The following PTPN1 variants were observed in gnomAD, a reference collection of about 807,000 sequenced individuals.
PTPN1 encodes the protein tyrosine-protein phosphatase non-receptor type 1.
In PTPN1, 12 loss-of-function variants were observed where a neutral mutation model predicts 59.9. The observed-to-expected ratio is 0.20, with a 90% CI of 0.13 to 0.32. The LOEUF (loss-of-function observed/expected upper bound fraction) is 0.32. Ranked by LOEUF, PTPN1 falls within the 10% of genes least tolerant of loss-of-function variation. PTPN1 has a pLI of 1.00. For synonymous variants in PTPN1, 178 were observed against 203.6 expected, an observed-to-expected ratio of 0.87 and a Z score of 1.07; for missense variants, 356 against 549.2, an observed-to-expected ratio of 0.65 and a Z score of 3.52.
chr20:50,552,956 T>C (rs1172614970), intron 1 of PTPN1, among the ~76,000 whole-genome samples: 1 of 152,144 alleles, frequency 6.6e-6, no homozygotes, highest in East Asian at 1.9e-4. Flanking sequence ...ATCCTACTTA[T>C]TATAAAAAAA....
chr20:50,553,953 G>A (rs1439529701), intron 1 of PTPN1, among the ~76,000 whole-genome samples: 1 of 152,120 alleles, frequency 6.6e-6, no homozygotes, highest in African/African-American at 2.4e-5. Flanking sequence ...AATGTGGATT[G>A]GGGGGTGCCT....
chr20:50,579,408 G>T, intron 7 of PTPN1, 79 bp downstream of exon 7: 2 of 1,474,262 alleles, frequency 1.4e-6, no homozygotes, highest in Non-Finnish European at 1.9e-6. Flanking sequence ...AGTTGTAAAA[G>T]TTCAAACACC....
At chr20:50,573,097 T>G (rs2082819139) in intron 4 of PTPN1, 1 of 152,246 alleles carries the variant, frequency 6.6e-6, no homozygotes, top group Non-Finnish European at 1.5e-5. Context: ...TTGCTTTGGT[T>G]TTGTCTTTTG....
At chr20:50,548,399 T>C (rs2082685507) in intron 1 of PTPN1, among the ~76,000 whole-genome samples, 1 of 152,192 alleles carries the variant, frequency 6.6e-6, no homozygotes, top group African/African-American at 2.4e-5. Context: ...GTATTTCTAA[T>C]CTTAAGTATA....
In PTPN1 at chr20:50,510,471, G is replaced by A. The variant is rs2082501097; in HGVS notation, c.-57G>A. ...GGGGCTAAGAGCGCGACGCGGCCTA[G>A]AGCGGCAGACGGCGCAGTGGGCCGA... is the stretch of plus-strand genomic sequence containing the variant. On this transcript the variant is annotated 5_prime_UTR_variant, in exon 1 of 10. Coordinates refer to ENST00000371621, the MANE Select transcript of PTPN1 (RefSeq NM_002827.4). The A allele has an allele frequency of 6.5e-7, 1 of 1,539,168 alleles. No individual in the cohort carries two copies. The highest frequency in any genetic ancestry group is 1.4e-5 in the African/African-American group (1 of 72,424).
intron 1 of PTPN1, among the ~76,000 whole-genome samples, chr20:50,559,157 G>C (rs1348812051): frequency 4.6e-5 from 7 of 150,694 alleles, no homozygotes; most frequent in African/African-American, 1.5e-4. Context: ...TCAGCCTCCT[G>C]AGTAGCTGGG....
At position 50,574,642 on chromosome 20, in the gene PTPN1, G is replaced by A; in HGVS notation, c.480G>A (p.Leu160=). 6.2e-7 allele frequency: 1 copy of A among 1,602,712 alleles called. No homozygotes were observed. Residue 160 remains leucine (L), a synonymous_variant, in exon 5 of 10, where the codon TTG becomes TTA. Transcript: ENST00000371621. The stretch of plus-strand genomic sequence containing the variant: ...ATTATACAGTGCGACAGCTAGAATT[G>A]GAAAACCTTACAGTGAGTATAGCAC... ...KSYYTVRQLE[L]ENLTTQETRE...
intron 6 of PTPN1, 150 bp from the exon 7 acceptor site, chr20:50,579,018 T>TAGG: frequency 1.1e-6 from 1 of 874,908 alleles, no homozygotes; most frequent in Non-Finnish European, 1.8e-6. Context: ...CCTGTCCCCC[T>TAGG]GACCCAGACA....
chr20:50,561,093 C>G (rs76302956), intron 1 of PTPN1, among the ~76,000 whole-genome samples: 2,198 of 152,266 alleles, frequency 0.014, 49 homozygotes, highest in African/African-American at 0.049. Flanking sequence ...GCCCCCATGC[C>G]TTTGCTGTGC....
chr20:50,549,447 G>A (rs888896269), intron 1 of PTPN1, among the ~76,000 whole-genome samples: 1 of 152,052 alleles, frequency 6.6e-6, no homozygotes, highest in African/African-American at 2.4e-5. Context: ...GCACATAATT[G>A]TTCTGTTAGT....
rs1353048368 is a variant in PTPN1 at position 50,510,692 on chromosome 20, C to T, written c.63+102C>T. On this transcript the variant is annotated intron_variant, in intron 1 of 9. Transcript: ENST00000371621. ...ACTCCCTCTGGGTCTTGCCCTCTGC[C>T]TCGCTCCTACTGCTTGAGGATTCGA... 8 of 1,201,708 alleles carry T rather than the reference C, an allele frequency of 6.7e-6. No individual in the cohort carries two copies. In the East Asian group the frequency reaches 2.0e-4, roughly 30 times the overall value. The allele number at this position is 1,201,708 out of a possible 1,614,324, so 74.4% of individuals were successfully genotyped here.
At position 50,523,258 on chromosome 20, in the gene PTPN1, G is replaced by C. The variant is rs192172733; in HGVS notation, c.63+12668G>C. On this transcript the variant is annotated intron_variant, in intron 1 of 9. Coordinates refer to ENST00000371621, the MANE Select transcript of PTPN1 (RefSeq NM_002827.4). ...AAGGAACGTGTGCAAAGAAGATGGT[G>C]ATCTGGTTGTGACCATGTTGTTAGA... Among the ~76,000 whole-genome samples, 60 of 152,282 alleles carry C rather than the reference G, an allele frequency of 3.9e-4. No homozygotes were observed. In the East Asian group the frequency reaches 7.1e-3, roughly 18 times the overall value.
chr20:50,520,954 A>G (rs548203298), intron 1 of PTPN1, among the ~76,000 whole-genome samples: 1 of 152,326 alleles, frequency 6.6e-6, no homozygotes, highest in African/African-American at 2.4e-5. Flanking sequence ...AGAAGACCAG[A>G]GGGTGGGGTG....
At chr20:50,540,487 C>T (rs1489067631) in intron 1 of PTPN1, among the ~76,000 whole-genome samples, 1 of 152,190 alleles carries the variant, frequency 6.6e-6, no homozygotes, top group Non-Finnish European at 1.5e-5. Flanking sequence ...ACCATGAGGA[C>T]GGCATCAAGC....
intron 4 of PTPN1, chr20:50,573,015 G>T (rs185658307): frequency 6.6e-6 from 1 of 152,254 alleles, no homozygotes; most frequent in Non-Finnish European, 1.5e-5. Context: ...TTGGCTTCTG[G>T]TCTGGCACTG....
intron 4 of PTPN1, chr20:50,572,441 A>C (rs1020082218): frequency 3.3e-5 from 5 of 152,252 alleles, no homozygotes; most frequent in African/African-American, 1.2e-4. Context: ...ATTGACACTT[A>C]GTTGCATGAC....
At position 50,581,315 on chromosome 20, in the gene PTPN1, G is replaced by T. The variant is rs752423818; in HGVS notation, c.1139G>T (p.Arg380Leu). ...AGTCGGGTCGTGGGGGGAAGTCTTC[G>T]AGGTGCCCAGGCTGCCTCCCCAGCC... ...VRSRVVGGSL[R>L]GAQAASPAKG... Residue 380 changes from arginine (R) to leucine (L), a missense_variant, in exon 9 of 10, where the codon CGA becomes CTA. Physicochemically the swap from Arg to Leu is moderately radical, Grantham distance 102 (BLOSUM62 -2). Transcript: ENST00000371621. 6.2e-7 allele frequency: 1 copy of T among 1,613,650 alleles called. No homozygotes were observed. The highest frequency in any genetic ancestry group is 1.1e-5 in the South Asian group (1 of 91,082).
At chr20:50,522,362 A>C (rs917171964) in intron 1 of PTPN1, among the ~76,000 whole-genome samples, 3 of 152,216 alleles carry the variant, frequency 2.0e-5, no homozygotes, top group African/African-American at 7.2e-5. Flanking sequence ...GTGACCAAAT[A>C]TGCTTGCACT....
At chr20:50,547,525 G>A (rs1391653864) in intron 1 of PTPN1, among the ~76,000 whole-genome samples, 16 of 152,116 alleles carry the variant, frequency 1.1e-4, no homozygotes, top group African/African-American at 2.7e-4. Context: ...CACCACGCCC[G>A]GCTAATTTTT....
Sources: gnomAD v4.1 joint callset for allele counts (sites outside exome capture counted in the v4.1 genomes callset) on GRCh38, gnomAD v4.1.1 for gene constraint, MANE v1.5 for transcripts, NCBI Gene and HGNC (gene_info 2026-07-23, HGNC 2026-07-21) for gene names.